The following LEPROTL1 variants were observed in gnomAD, a reference collection of about 807,000 sequenced individuals.
LEPROTL1 encodes the protein leptin receptor overlapping transcript-like 1.
Under a neutral mutation model 15.4 loss-of-function variants are expected in LEPROTL1, and 6 were observed. That is an observed-to-expected ratio of 0.39 (90% CI 0.21 to 0.77). The LOEUF (loss-of-function observed/expected upper bound fraction) is 0.77. LEPROTL1 is among the 30% of genes least tolerant of loss of function. The probability of loss-of-function intolerance (pLI) is 0.41; values close to 1 mark genes in which losing one functional copy is unlikely to be tolerated. For synonymous variants in LEPROTL1, 56 were observed against 52.6 expected, an observed-to-expected ratio of 1.06 and a Z score of -0.28; for missense variants, 128 against 158.1, an observed-to-expected ratio of 0.81 and a Z score of 1.02.
At chr8:30,118,978 C>T (rs898736313) in intron 3 of LEPROTL1, among the ~76,000 whole-genome samples, 12 of 152,266 alleles carry the variant, frequency 7.9e-5, no homozygotes, top group African/African-American at 2.9e-4. Context: ...TCATGGGTGT[C>T]GGGCTGGGGG....
At chr8:30,103,614 G>A (rs750066200) in intron 2 of LEPROTL1, among the ~76,000 whole-genome samples, 2 of 151,634 alleles carry the variant, frequency 1.3e-5, no homozygotes, top group Admixed American at 1.3e-4. Flanking sequence ...GGTGGTGCAC[G>A]CCTGTAATCC....
chr8:30,137,784 G>A, downstream of LEPROTL1: 4 of 408,936 alleles, frequency 9.8e-6, no homozygotes, highest in South Asian at 6.4e-5. Flanking sequence ...CTTCTTGCCT[G>A]GAAACTAGAC....
chr8:30,119,801 G>T (rs1196338306), intron 3 of LEPROTL1, among the ~76,000 whole-genome samples: 2 of 152,156 alleles, frequency 1.3e-5, no homozygotes, highest in Non-Finnish European at 2.9e-5. Flanking sequence ...GGGCCTGGCG[G>T]CTCATGTCTA....
chr8:30,127,311 A>G (rs1250658747), intron 3 of LEPROTL1, among the ~76,000 whole-genome samples: 2 of 152,184 alleles, frequency 1.3e-5, no homozygotes, highest in African/African-American at 4.8e-5. Flanking sequence ...CAAACAAATG[A>G]ATGAGATCCC....
rs1802585060 is a variant in LEPROTL1 at position 30,107,376 on chromosome 8, T to A, written c.*1514T>A. On this transcript the variant is annotated 3_prime_UTR_variant, in exon 4 of 4. Transcript: ENST00000321250. ...CTGACAGTATTTTGTTAAGGATATT[T>A]GTTTGTATGTTTATTCAGTATACTT... The A allele has an allele frequency of 5.1e-6, 5 of 985,518 alleles. No homozygotes were observed. In the South Asian group the frequency reaches 2.3e-4, roughly 46 times the overall value. The allele number at this position is 985,518 out of a possible 1,614,324, so 61.0% of individuals were successfully genotyped here. A position where few individuals can be genotyped will look rare whatever the true frequency, so the allele number is the denominator to read the frequency against.
chr8:30,104,071 C>G (rs1802516007), intron 2 of LEPROTL1, among the ~76,000 whole-genome samples: 1 of 152,088 alleles, frequency 6.6e-6, no homozygotes, highest in Non-Finnish European at 1.5e-5. Flanking sequence ...ATTCTATATT[C>G]TGACTGAAAG....
At chr8:30,132,635 T>G in intron 4 of LEPROTL1, 1 of 1,551,730 alleles carries the variant, frequency 6.4e-7, no homozygotes, top group Non-Finnish European at 8.7e-7. Flanking sequence ...CCCCTCCAGC[T>G]CAGAGCCCAG....
chr8:30,107,068 TATATC>T lies in LEPROTL1; in HGVS notation c.*1211_*1215del, dbSNP rs1585466375. 1 of 974,612 alleles carries T rather than the reference TATATC, an allele frequency of 1.0e-6. No homozygotes were observed. Among genetic ancestry groups the T allele is most frequent in the South Asian group, 4.7e-5 (1 of 21,058 alleles). 60.4% of individuals were successfully genotyped at this position (974,612 alleles called of 1,614,324 possible). A position where few individuals can be genotyped will look rare whatever the true frequency, so the allele number is the denominator to read the frequency against. The stretch of plus-strand genomic sequence containing the variant: ...AATAGTAGTTCTTATTCTCTAAGGT[TATATC>T]ATATGTAATTTAAAAGTATTTTTAA... On this transcript the variant is annotated 3_prime_UTR_variant, in exon 4 of 4. Coordinates refer to ENST00000321250, the MANE Select transcript of LEPROTL1 (RefSeq NM_015344.3).
intron 4 of LEPROTL1, among the ~76,000 whole-genome samples, chr8:30,134,719 T>C (rs1803102351): frequency 6.6e-6 from 1 of 152,064 alleles, no homozygotes; most frequent in South Asian, 2.1e-4. Context: ...AGCTAATTTT[T>C]GTATTTTTAG....
At chr8:30,105,528 A>G (rs1470902689) in intron 3 of LEPROTL1, among the ~76,000 whole-genome samples, 3 of 148,266 alleles carry the variant, frequency 2.0e-5, no homozygotes, top group African/African-American at 4.9e-5. Context: ...AAATATATTT[A>G]TACTGTATAT....
At position 30,101,922 on chromosome 8, in the gene LEPROTL1, G is replaced by T; in HGVS notation, c.41G>T (p.Gly14Val). The change falls in exon 2 of 4, where the codon GGA (glycine) becomes GTA (valine). Residue 14 changes from glycine (G) to valine (V), a missense_variant. Transcript: ENST00000321250. ...GCTTTGATTAGTTTGTCCTTTGGAG[G>T]AGCAATCGGACTGATGTTTTTGATG... ...IKALISLSFG[G>V]AIGLMFLMLG... is the part of the protein sequence containing the mutation. 6.2e-7 allele frequency: 1 copy of T among 1,608,438 alleles called. No individual in the cohort carries two copies. The highest frequency in any genetic ancestry group is 1.1e-5 in the South Asian group (1 of 90,456).
At chr8:30,096,391 C>T (rs184526791) in intron 1 of LEPROTL1, 1 of 985,296 alleles carries the variant, frequency 1.0e-6, no homozygotes, top group East Asian at 1.1e-4. Flanking sequence ...TGACCTGCCG[C>T]TCTGTAGAAG....
chr8:30,129,063 T>C (rs1802950754), intron 3 of LEPROTL1, among the ~76,000 whole-genome samples: 1 of 151,992 alleles, frequency 6.6e-6, no homozygotes, highest in African/African-American at 2.4e-5. Flanking sequence ...AAGTTTTGGG[T>C]TTGTGTGTGT....
At chr8:30,111,527 A>G (rs9694834), downstream of LEPROTL1, among the ~76,000 whole-genome samples, 473 of 152,292 alleles carry the variant, frequency 3.1e-3, 6 homozygotes, top group African/African-American at 0.011. Context: ...GAAATTCCGC[A>G]TTTGGTTTCA....
In LEPROTL1 at chr8:30,107,649, T is replaced by A. The variant is rs889670431; in HGVS notation, c.*1787T>A. 1 of 985,560 alleles carries A rather than the reference T, an allele frequency of 1.0e-6. No homozygotes were observed. The highest frequency in any genetic ancestry group is 1.2e-6 in the Non-Finnish European group (1 of 829,930). The allele number at this position is 985,560 out of a possible 1,614,324, so 61.1% of individuals were successfully genotyped here. A position where few individuals can be genotyped will look rare whatever the true frequency, so the allele number is the denominator to read the frequency against. ...TTCCCACTGGAGGCTGAAAGTGGCTTGTGGTATTATAATGTTCAGATTTCA... is the reference window on the plus strand; with the variant it reads ...TTCCCACTGGAGGCTGAAAGTGGCTAGTGGTATTATAATGTTCAGATTTCA... On this transcript the variant is annotated 3_prime_UTR_variant, in exon 4 of 4. Coordinates refer to ENST00000321250, the MANE Select transcript of LEPROTL1 (RefSeq NM_015344.3).
intron 3 of LEPROTL1, among the ~76,000 whole-genome samples, chr8:30,122,951 T>C (rs1802851301): frequency 6.6e-6 from 1 of 152,158 alleles, no homozygotes; most frequent in Admixed American, 6.5e-5. Flanking sequence ...AGCTCACAAA[T>C]CTGTAATTTG....
rs76291441 is a variant in LEPROTL1 at position 30,124,235 on chromosome 8, T to G, written c.280-8140T>G. Among the ~76,000 whole-genome samples the G allele has an allele frequency of 2.7e-3, 412 of 152,250 alleles. 1 individual carries two copies. The highest frequency in any genetic ancestry group is 9.4e-3 in the African/African-American group (392 of 41,556). ...TGGGGCCACAATGATTTTTTGCAGT[T>G]TTTGATCTTTTCATTAGGAATTGGG... On this transcript the variant is annotated intron_variant, in intron 3 of 4. Coordinates refer to the LEPROTL1 transcript ENST00000442880.
rs1268357349 is a variant in LEPROTL1, at chr8:30,108,048, T to A, written c.*2186T>A. 3.4e-6 allele frequency: 3 copies of A among 881,406 alleles called. No individual in the cohort carries two copies. Among genetic ancestry groups the A allele is most frequent in the African/African-American group, 3.6e-5 (2 of 55,134 alleles). The allele number at this position is 881,406 out of a possible 1,614,324, so 54.6% of individuals were successfully genotyped here. ...AAGAAAACTTTTGATGATGAAACAA[T>A]AAAGATTTTAAATATCTATTTTAGT... On this transcript the variant is annotated 3_prime_UTR_variant, in exon 4 of 4. Coordinates refer to ENST00000321250, the MANE Select transcript of LEPROTL1 (RefSeq NM_015344.3).
intron 3 of LEPROTL1, among the ~76,000 whole-genome samples, chr8:30,126,448 A>G (rs572385440): frequency 2.0e-5 from 3 of 152,154 alleles, no homozygotes; most frequent in Non-Finnish European, 4.4e-5. Flanking sequence ...TTCAAACCAT[A>G]CCAACCTCCT....
Sources: allele counts gnomAD v4.1 joint callset (sites outside exome capture counted in the v4.1 genomes callset), GRCh38; gene constraint gnomAD v4.1.1; transcripts MANE v1.5; gene names NCBI Gene and HGNC (gene_info 2026-07-23, HGNC 2026-07-21).